The following ANKS1B variants were observed in gnomAD, a reference collection of about 807,000 sequenced individuals.
The protein encoded by ANKS1B is ankyrin repeat and sterile alpha motif domain containing 1B.
In ANKS1B, 36 loss-of-function variants were observed where a neutral mutation model predicts 148.3. The ratio of observed to expected loss-of-function variants is 0.24; its 90% CI spans 0.19 to 0.32. The LOEUF is 0.32. Ranked by LOEUF, ANKS1B falls within the 10% of genes least tolerant of loss-of-function variation. ANKS1B has a pLI of 1.00. For synonymous variants in ANKS1B, 542 were observed against 560.8 expected (o/e 0.97, Z 0.47); for missense variants, 1,157 against 1,542.6 (o/e 0.75, Z 4.19).
At chr12:99,214,272 C>T (rs1194860720) in intron 14 of ANKS1B, among the ~76,000 whole-genome samples, 2 of 152,192 alleles carry the variant, frequency 1.3e-5, no homozygotes, top group African/African-American at 4.8e-5. Flanking sequence ...TATACTTTTA[C>T]ATCAGATTGG....
chr12:98,918,720 A>G (rs2099797620), intron 17 of ANKS1B, among the ~76,000 whole-genome samples: 1 of 152,206 alleles, frequency 6.6e-6, no homozygotes, highest in Non-Finnish European at 1.5e-5. Flanking sequence ...CTACTTTAAC[A>G]CATTGTCTCA....
At chr12:98,938,822 TG>T (rs2099827772) in intron 17 of ANKS1B, among the ~76,000 whole-genome samples, 1 of 152,162 alleles carries the variant, frequency 6.6e-6, no homozygotes, top group Non-Finnish European at 1.5e-5. Flanking sequence ...AGGATGAAAT[TG>T]GGAAGTCACC....
At position 99,246,176 on chromosome 12, in the gene ANKS1B, T is replaced by C. The variant is rs74864843; in HGVS notation, c.2346+99A>G. The C allele has an allele frequency of 5.1e-5, 45 of 876,998 alleles. 1 individual carries two copies. The Middle Eastern group carries it at 3.4e-3, about 66-fold the overall frequency. The allele number at this position is 876,998 out of a possible 1,614,324, so 54.3% of individuals were successfully genotyped here. ...AGTTGGAGCCGTATGCTTTTTTTTT[T>C]CTTGCTTTTGAAAGAGCTAAAAAGC... On this transcript the variant is annotated intron_variant, in intron 13 of 26. Transcript: ENST00000683438.
intron 15 of ANKS1B, among the ~76,000 whole-genome samples, chr12:99,142,372 G>A (rs1381272906): frequency 6.6e-6 from 1 of 152,054 alleles, no homozygotes; most frequent in Non-Finnish European, 1.5e-5. Flanking sequence ...ATTAAGGCCT[G>A]ATTGTATTTT....
chr12:99,595,427 A>T (rs1476092785), intron 9 of ANKS1B, among the ~76,000 whole-genome samples: 1 of 151,958 alleles, frequency 6.6e-6, no homozygotes, highest in African/African-American at 2.4e-5. Context: ...TGTATATTTT[A>T]TATATTCTTT....
intron 14 of ANKS1B, among the ~76,000 whole-genome samples, chr12:99,189,850 G>A (rs560915067): frequency 6.6e-6 from 1 of 152,228 alleles, no homozygotes; most frequent in South Asian, 2.1e-4. Context: ...GGGCAATCAG[G>A]CAAGACAAAG....
chr12:99,102,457 G>A (rs1398614316), intron 15 of ANKS1B, among the ~76,000 whole-genome samples: 3 of 152,066 alleles, frequency 2.0e-5, no homozygotes, highest in Non-Finnish European at 4.4e-5. Flanking sequence ...GTAAGAATAG[G>A]AGGTGACTGG....
At chr12:99,421,697 A>G (rs2095088863) in intron 11 of ANKS1B, among the ~76,000 whole-genome samples, 1 of 152,202 alleles carries the variant, frequency 6.6e-6, no homozygotes, top group Non-Finnish European at 1.5e-5. Context: ...CTTCTGAGAA[A>G]GAAGTTAGTC....
At chr12:99,113,797 T>G (rs1169662097) in intron 15 of ANKS1B, among the ~76,000 whole-genome samples, 1 of 152,212 alleles carries the variant, frequency 6.6e-6, no homozygotes, top group Non-Finnish European at 1.5e-5. Flanking sequence ...GAAACTCTTA[T>G]TTTTAAAGGA....
intron 1 of ANKS1B, among the ~76,000 whole-genome samples, chr12:99,898,201 A>T (rs932070559): frequency 2.6e-5 from 4 of 152,140 alleles, no homozygotes; most frequent in African/African-American, 9.7e-5. Context: ...TAAAATCTAG[A>T]ATTAAACATT....
At chr12:99,833,498 T>C (rs2084348578) in intron 1 of ANKS1B, among the ~76,000 whole-genome samples, 1 of 152,180 alleles carries the variant, frequency 6.6e-6, no homozygotes, top group Non-Finnish European at 1.5e-5. Context: ...GGTATCCATA[T>C]GAATAGAATA....
At chr12:99,372,049 G>T (rs2093163367) in intron 12 of ANKS1B, among the ~76,000 whole-genome samples, 1 of 152,062 alleles carries the variant, frequency 6.6e-6, no homozygotes, top group African/African-American at 2.4e-5. Flanking sequence ...CCACAATGAT[G>T]GATACATGTC....
intron 9 of ANKS1B, among the ~76,000 whole-genome samples, chr12:99,519,532 A>C (rs370644861): frequency 5.3e-5 from 8 of 152,104 alleles, no homozygotes; most frequent in African/African-American, 1.9e-4. Flanking sequence ...GTCTGATATA[A>C]ATATAGCTAT....
chr12:99,241,255 G>A (rs550602478), intron 14 of ANKS1B, among the ~76,000 whole-genome samples: 1 of 152,310 alleles, frequency 6.6e-6, no homozygotes, highest in South Asian at 2.1e-4. Context: ...TACCATCAGA[G>A]AATACTATAA....
chr12:99,260,280 T>C (rs1324319390), intron 12 of ANKS1B, among the ~76,000 whole-genome samples: 1 of 152,238 alleles, frequency 6.6e-6, no homozygotes, highest in Non-Finnish European at 1.5e-5. Flanking sequence ...ACAGAAACTA[T>C]TTTTAATTAC....
intron 12 of ANKS1B, among the ~76,000 whole-genome samples, chr12:99,306,004 T>C (rs1349122334): frequency 1.3e-5 from 2 of 152,106 alleles, no homozygotes; most frequent in Non-Finnish European, 2.9e-5. Context: ...GGGGATGCTT[T>C]TTACTTTCAT....
intron 17 of ANKS1B, among the ~76,000 whole-genome samples, chr12:99,002,282 T>A (rs2099933457): frequency 6.6e-6 from 1 of 152,134 alleles, no homozygotes; most frequent in Non-Finnish European, 1.5e-5. Flanking sequence ...TATGCAAGGG[T>A]TCCAATGTCT....
chr12:99,341,055 T>A (rs2089834384), intron 12 of ANKS1B: 1 of 152,120 alleles, frequency 6.6e-6, no homozygotes, highest in Admixed American at 6.6e-5. Flanking sequence ...TGGGGAAGGG[T>A]TTTGACACAA....
intron 12 of ANKS1B, among the ~76,000 whole-genome samples, chr12:99,316,552 G>A (rs576492930): frequency 1.3e-5 from 2 of 152,160 alleles, no homozygotes; most frequent in Non-Finnish European, 2.9e-5. Context: ...TAAGTTCTTT[G>A]TAGATTCTGG....
Sources: gnomAD v4.1 joint callset for allele counts (sites outside exome capture counted in the v4.1 genomes callset) on GRCh38, gnomAD v4.1.1 for gene constraint, MANE v1.5 for transcripts, NCBI Gene and HGNC (gene_info 2026-07-23, HGNC 2026-07-21) for gene names.